Variants in FARP1 observed in about 807,000 individuals in gnomAD.
FARP1 encodes FERM, ARHGEF and pleckstrin domain-containing protein 1.
A neutral mutation model predicts 128.8 loss-of-function variants in FARP1; 52 were observed. That is an observed-to-expected ratio of 0.40 (90% CI 0.32 to 0.51). The LOEUF (loss-of-function observed/expected upper bound fraction) is 0.51, where lower values mean the gene tolerates loss of function less well. Among genes scored for constraint, FARP1 ranks in the 20% least tolerant of loss-of-function variants. FARP1 has a pLI of 0.45. For synonymous variants in FARP1, 580 were observed against 551.8 expected, an observed-to-expected ratio of 1.05 and a Z score of -0.72; for missense variants, 1,333 against 1,367.9, an observed-to-expected ratio of 0.97 and a Z score of 0.40.
At chr13:98,415,924 A>G (rs900034375) in intron 16 of FARP1, among the ~76,000 whole-genome samples, 2 of 152,214 alleles carry the variant, frequency 1.3e-5, no homozygotes, top group African/African-American at 4.8e-5. Flanking sequence ...GTTGAACCGC[A>G]TTTCCTCCTG....
At chr13:98,186,729 C>T (rs1403607354) in intron 1 of FARP1, among the ~76,000 whole-genome samples, 1 of 151,834 alleles carries the variant, frequency 6.6e-6, no homozygotes, top group Non-Finnish European at 1.5e-5. Flanking sequence ...TGGTGGCTCA[C>T]ACCTGTAATC....
Position 98,207,908 on chromosome 13 carries a change from C to CACACACACA in FARP1, c.-23-5312_-23-5311insACACACACA, listed in dbSNP as rs1555327644. Among the ~76,000 whole-genome samples, 45 of 71,610 alleles carry CACACACACA rather than the reference C, an allele frequency of 6.3e-4. 3 individuals are homozygous for CACACACACA. Among genetic ancestry groups the CACACACACA allele is most frequent in the African/African-American group, 2.7e-3 (44 of 16,354 alleles). The allele number at this position is 71,610 out of a possible 152,430, so 47.0% of individuals were successfully genotyped here. ...ATATACTGCTCCCCGACCACCACCT[C>CACACACACA]CACACACACACACACACACACACAC... On this transcript the variant is annotated intron_variant, in intron 1 of 26. Coordinates refer to ENST00000319562, the MANE Select transcript of FARP1 (RefSeq NM_005766.4).
At chr13:98,282,517 T>C (rs558253602) in intron 2 of FARP1, among the ~76,000 whole-genome samples, 1 of 152,302 alleles carries the variant, frequency 6.6e-6, no homozygotes, top group Admixed American at 6.5e-5. Flanking sequence ...GTTTGATAAA[T>C]GGTCTAAGAT....
intron 2 of FARP1, among the ~76,000 whole-genome samples, chr13:98,241,926 GCAA>G (rs374509460): frequency 2.0e-5 from 3 of 151,804 alleles, no homozygotes; most frequent in African/African-American, 4.8e-5. Context: ...CTAAACAACA[GCAA>G]CAACAACAAC....
chr13:98,271,170 C>G (rs562611663), intron 2 of FARP1, among the ~76,000 whole-genome samples: 15 of 152,176 alleles, frequency 9.9e-5, no homozygotes, highest in Non-Finnish European at 1.8e-4. Flanking sequence ...TGAGAGTCTG[C>G]TCTGGCTTAG....
intron 10 of FARP1, 27 bp from the exon 11 acceptor site, chr13:98,390,785 C>G (rs776166244): frequency 5.1e-6 from 8 of 1,571,372 alleles, no homozygotes; most frequent in Non-Finnish European, 7.0e-6. Flanking sequence ...GTATTTCTCC[C>G]CTTCCCTGTT....
chr13:98,174,772 T>C (rs1490403088), intron 1 of FARP1, among the ~76,000 whole-genome samples: 1 of 152,180 alleles, frequency 6.6e-6, no homozygotes, highest in Admixed American at 6.5e-5. Context: ...CAGGCACTGT[T>C]CTAAATATGT....
chr13:98,446,264 A>G, intron 25 of FARP1, 59 bp downstream of exon 25: 1 of 1,110,760 alleles, frequency 9.0e-7, no homozygotes, highest in Non-Finnish European at 1.4e-6. Context: ...GCATGAGGTG[A>G]GGGGGCCGCC....
chr13:98,368,472 C>T (rs537473890), intron 5 of FARP1, among the ~76,000 whole-genome samples: 1 of 152,322 alleles, frequency 6.6e-6, no homozygotes, highest in East Asian at 1.9e-4. Context: ...TTATATGTCA[C>T]ATCATGGACT....
At chr13:98,255,277 A>T (rs1883529505) in intron 2 of FARP1, among the ~76,000 whole-genome samples, 4 of 152,154 alleles carry the variant, frequency 2.6e-5, no homozygotes, top group Admixed American at 2.6e-4. Flanking sequence ...AGGCGGGCGG[A>T]TCACAAGGTC....
chr13:98,388,502 G>A (rs1208914059), intron 9 of FARP1, 24 bp downstream of exon 9: 2 of 1,575,904 alleles, frequency 1.3e-6, no homozygotes, highest in East Asian at 2.2e-5. Context: ...GCGGGAAAGG[G>A]GACCCGTTGA....
chr13:98,227,033 C>T (rs529751863), intron 2 of FARP1, among the ~76,000 whole-genome samples: 14 of 151,784 alleles, frequency 9.2e-5, no homozygotes, highest in Admixed American at 5.3e-4. Flanking sequence ...CTACGCCTCC[C>T]GGGTTCACGT....
chr13:98,234,022 G>A (rs537238594), intron 2 of FARP1: 17 of 152,342 alleles, frequency 1.1e-4, no homozygotes, highest in African/African-American at 4.1e-4. Flanking sequence ...TCAGGAAAAA[G>A]TTGACATTTG....
At chr13:98,395,079 T>C in intron 12 of FARP1, 148 bp from the exon 13 acceptor site, 1 of 853,472 alleles carries the variant, frequency 1.2e-6, no homozygotes, top group Non-Finnish European at 1.7e-6. Flanking sequence ...GCCTCCGTGA[T>C]TGCTGCTAGG....
In FARP1 at chr13:98,337,538, C is replaced by CGTGTGTGTGTGTGT. The variant is rs60625244; in HGVS notation, c.172-6187_172-6174dup. Among the ~76,000 whole-genome samples, 48 of 132,092 alleles carry CGTGTGTGTGTGTGT rather than the reference C, an allele frequency of 3.6e-4. 1 individual carries two copies. Among genetic ancestry groups the CGTGTGTGTGTGTGT allele is most frequent in the East Asian group, 2.7e-3 (11 of 4,022 alleles). 86.7% of individuals were successfully genotyped at this position (132,092 alleles called of 152,430 possible). ...TCTTGTGTATAGTAGTCTGTGTAGC[C>CGTGTGTGTGTGTGT]GTGTGTGTGTGTGTGTGTGTGTGTG... On this transcript the variant is annotated intron_variant, in intron 2 of 26. Transcript: ENST00000319562.
chr13:98,346,186 ATTTT>A (rs10555277), intron 3 of FARP1, among the ~76,000 whole-genome samples: 6 of 105,682 alleles, frequency 5.7e-5, no homozygotes, highest in African/African-American at 1.1e-4. Flanking sequence ...ATTGCATATA[ATTTT>A]TTTTTTTTTT....
intron 16 of FARP1, among the ~76,000 whole-genome samples, chr13:98,422,858 G>A (rs1230831977): frequency 2.0e-5 from 3 of 152,160 alleles, no homozygotes; most frequent in Admixed American, 6.5e-5. Context: ...CATATCTGTG[G>A]GGTGTCTATT....
chr13:98,231,177 C>T (rs1882091425), intron 2 of FARP1, among the ~76,000 whole-genome samples: 1 of 152,102 alleles, frequency 6.6e-6, no homozygotes, highest in Non-Finnish European at 1.5e-5. Flanking sequence ...AATGGTTTAG[C>T]AGTTCACAAT....
intron 1 of FARP1, among the ~76,000 whole-genome samples, chr13:98,146,979 C>T (rs1288731656): frequency 6.6e-6 from 1 of 152,182 alleles, no homozygotes; most frequent in Non-Finnish European, 1.5e-5. Context: ...CCTCCTTAAC[C>T]ACTTCCACAT....
Sources: allele counts gnomAD v4.1 joint callset (sites outside exome capture counted in the v4.1 genomes callset), GRCh38; gene constraint gnomAD v4.1.1; transcripts MANE v1.5; gene names NCBI Gene and HGNC (gene_info 2026-07-23, HGNC 2026-07-21).